Variants in XYLB observed in about 807,000 individuals in gnomAD.
The protein encoded by XYLB is xylulokinase.
XYLB carries 62 observed loss-of-function variants against 78.7 expected under a neutral mutation model. The observed-to-expected ratio is 0.79, with a 90% confidence interval of 0.64 to 0.97. XYLB has a LOEUF of 0.97. Ranked by LOEUF, XYLB falls within the 50% of genes least tolerant of loss-of-function variation. The pLI is 0.00. For synonymous variants in XYLB, 245 were observed against 247.4 expected (o/e 0.99, Z 0.09); for missense variants, 687 against 676.8 (o/e 1.02, Z -0.17).
chr3:38,372,089 T>C (rs903889138), intron 9 of XYLB, among the ~76,000 whole-genome samples: 1 of 152,222 alleles, frequency 6.6e-6, no homozygotes, highest in African/African-American at 2.4e-5. Context: ...AGGTGTCACA[T>C]GTGGGGGAAC....
At chr3:38,411,658 A>C (rs1708594266) in intron 18 of XYLB, among the ~76,000 whole-genome samples, 1 of 152,110 alleles carries the variant, frequency 6.6e-6, no homozygotes, top group African/African-American at 2.4e-5. Flanking sequence ...AAAAAAAAAA[A>C]AAACCCTTTC....
intron 2 of XYLB, among the ~76,000 whole-genome samples, chr3:38,351,189 A>AAAAAAAAAAAAAAAAAAG (rs1705344531): frequency 6.7e-6 from 1 of 148,796 alleles, no homozygotes; most frequent in African/African-American, 2.4e-5. Flanking sequence ...AAAAAAAAAA[A>AAAAAAAAAAAAAAAAAAG]AAAAAAAAAA....
chr3:38,433,098 G>A, the XYLB span, among the ~76,000 whole-genome samples: 5 of 152,244 alleles, frequency 3.3e-5, no homozygotes, highest in East Asian at 5.8e-4. Flanking sequence ...TCTAGGCGTA[G>A]ATTCCCAAAC....
At chr3:38,433,757 C>T in the XYLB span, among the ~76,000 whole-genome samples, 1 of 152,216 alleles carries the variant, frequency 6.6e-6, no homozygotes, top group Non-Finnish European at 1.5e-5. Flanking sequence ...TTCAAAAAGT[C>T]TCTAGGAAGT....
At position 38,375,165 on chromosome 3, in the gene XYLB, A is replaced by T; in HGVS notation, c.910A>T (p.Thr304Ser). The change falls in exon 12 of 19, where the codon ACC becomes TCC. Residue 304 changes from threonine (T) to serine (S), a missense_variant. Physicochemically the swap from Thr to Ser is moderately conservative, Grantham distance 58. Coordinates refer to ENST00000207870, the MANE Select transcript of XYLB (RefSeq NM_005108.4). Reference protein sequence around the residue: ...DIAVSLGTSDTLFLWLQEPMP... With the variant: ...DIAVSLGTSDSLFLWLQEPMP... ...TCAGGTCAGCCTGGGCACCAGTGACACCCTGTTTCTCTGGCTCCAAGAGCC... is the reference window on the plus strand; with the variant it reads ...TCAGGTCAGCCTGGGCACCAGTGACTCCCTGTTTCTCTGGCTCCAAGAGCC... 4.3e-6 allele frequency: 7 copies of T among 1,614,032 alleles called. No homozygotes were observed. The highest frequency in any genetic ancestry group is 5.9e-6 in the Non-Finnish European group (7 of 1,179,974).
At position 38,346,887 on chromosome 3, in the gene XYLB, C is replaced by A; in HGVS notation, c.19C>A (p.Arg7Ser). 1 of 1,519,858 alleles carries A rather than the reference C, an allele frequency of 6.6e-7. No homozygotes were observed. The highest frequency in any genetic ancestry group is 1.4e-5 in the African/African-American group (1 of 69,638). 94.1% of individuals were successfully genotyped at this position (1,519,858 alleles called of 1,614,324 possible). Residue 7 changes from arginine (R) to serine (S), a missense_variant, in exon 1 of 19, where the codon CGC becomes AGC. By Grantham distance (110) the Arg-to-Ser change is moderately radical (BLOSUM62 -1). Transcript: ENST00000207870. Reference protein sequence around the residue: MAEHAPRRCCLGWDFST... With the variant: MAEHAPSRCCLGWDFST... ...AAAGGCCATGGCGGAGCACGCCCCT[C>A]GCCGCTGCTGCCTGGGCTGGGACTT...
At chr3:38,376,275 C>A in intron 13 of XYLB, 43 bp downstream of exon 13, 1 of 1,437,940 alleles carries the variant, frequency 7.0e-7, no homozygotes, top group Non-Finnish European at 9.8e-7. Context: ...GGGTCAGCAG[C>A]TGCCGACTGG....
At chr3:38,409,196 G>T (rs1009544752) in intron 18 of XYLB, among the ~76,000 whole-genome samples, 16 of 152,214 alleles carry the variant, frequency 1.1e-4, no homozygotes, top group African/African-American at 3.9e-4. Context: ...CCATGATCAA[G>T]TGGGCCTCAT....
At chr3:38,370,204 T>C in intron 9 of XYLB, 30 bp downstream of exon 9, 1 of 1,539,586 alleles carries the variant, frequency 6.5e-7, no homozygotes, top group Non-Finnish European at 9.0e-7. Context: ...ATGTGGCTCA[T>C]TTAAGAGCTG....
chr3:38,363,137 A>T, intron 4 of XYLB, 120 bp downstream of exon 4: 2 of 676,168 alleles, frequency 3.0e-6, no homozygotes, highest in Non-Finnish European at 2.2e-6. Flanking sequence ...GCCACTGCAC[A>T]AATTTCACTG....
At chr3:38,355,550 T>C (rs1051760487) in intron 2 of XYLB, among the ~76,000 whole-genome samples, 5 of 152,256 alleles carry the variant, frequency 3.3e-5, no homozygotes, top group Non-Finnish European at 7.3e-5. Context: ...CAGAAACTTA[T>C]CAGCTGTCTT....
intron 18 of XYLB, among the ~76,000 whole-genome samples, chr3:38,408,763 C>T (rs376248338): frequency 1.1e-4 from 17 of 151,130 alleles, no homozygotes; most frequent in African/African-American, 2.2e-4. Flanking sequence ...AACACCTCTA[C>T]GCAAATAAAC....
At position 38,372,647 on chromosome 3, in the gene XYLB, TC is replaced by T. The variant is rs1377247165; in HGVS notation, c.766-5del. 15 of 1,614,054 alleles carry T rather than the reference TC, an allele frequency of 9.3e-6. No individual in the cohort carries two copies. Among genetic ancestry groups the T allele is most frequent in the Non-Finnish European group, 8.5e-7 (1 of 1,179,994 alleles). ...ACAGAGCACCTTTGCTTTGTCCCCG[TC>T]CCTCAGGGAGCCATTTCTTCCTACT... On this transcript the variant is annotated splice_polypyrimidine_tract_variant and splice_region_variant and intron_variant, in intron 9 of 18. Coordinates refer to ENST00000207870, the MANE Select transcript of XYLB (RefSeq NM_005108.4).
intron 15 of XYLB, among the ~76,000 whole-genome samples, chr3:38,393,612 T>A (rs1186589916): frequency 6.6e-6 from 1 of 152,180 alleles, no homozygotes; most frequent in Non-Finnish European, 1.5e-5. Context: ...TTCTCACAGT[T>A]CTGGAGGCTA....
At position 38,381,621 on chromosome 3, in the gene XYLB, G is replaced by A. The variant is rs192508844; in HGVS notation, c.1291+2279G>A. Reference sequence around the variant, plus strand: ...CCTGAAAAAGAGAATGTGCGCCTGCGGGTAGGTCTCTGAACTGGCCCCCCT... The same window carrying A: ...CCTGAAAAAGAGAATGTGCGCCTGCAGGTAGGTCTCTGAACTGGCCCCCCT... On this transcript the variant is annotated intron_variant, in intron 15 of 18. Coordinates refer to ENST00000207870, the MANE Select transcript of XYLB (RefSeq NM_005108.4). Among the ~76,000 whole-genome samples, 25 of 152,310 alleles carry A rather than the reference G, an allele frequency of 1.6e-4. No homozygotes were observed. The East Asian group carries it at 3.5e-3, about 21-fold the overall frequency.
At chr3:38,447,862 G>A in the XYLB span, among the ~76,000 whole-genome samples, 4 of 151,976 alleles carry the variant, frequency 2.6e-5, no homozygotes, top group Non-Finnish European at 5.9e-5. Context: ...ATTCATCAAC[G>A]GATGAACAGA....
chr3:38,410,188 A>G (rs928308988), intron 18 of XYLB, among the ~76,000 whole-genome samples: 1 of 152,262 alleles, frequency 6.6e-6, no homozygotes, highest in African/African-American at 2.4e-5. Flanking sequence ...AAACAGAGAT[A>G]TAGATCAATG....
At chr3:38,377,393 G>C (rs571349459) in intron 14 of XYLB, among the ~76,000 whole-genome samples, 9 of 151,688 alleles carry the variant, frequency 5.9e-5, no homozygotes, top group African/African-American at 2.2e-4. Context: ...AGCCCATTTG[G>C]TGCCAGGCAT....
At chr3:38,442,538 G>A in the XYLB span, among the ~76,000 whole-genome samples, 17 of 152,268 alleles carry the variant, frequency 1.1e-4, no homozygotes, top group African/African-American at 4.1e-4. Flanking sequence ...AGGCATCCTT[G>A]AGGTCCAGAA....
Sources: allele counts gnomAD v4.1 joint callset (sites outside exome capture counted in the v4.1 genomes callset), GRCh38; gene constraint gnomAD v4.1.1; transcripts MANE v1.5; gene names NCBI Gene and HGNC (gene_info 2026-07-23, HGNC 2026-07-21).